The following CSMD2 variants were observed in gnomAD, a reference collection of about 807,000 sequenced individuals.
CSMD2 encodes CUB and sushi domain-containing protein 2.
In CSMD2, 130 loss-of-function variants were observed where a neutral mutation model predicts 398.5. The ratio of observed to expected loss-of-function variants is 0.33; its 90% CI spans 0.28 to 0.38. CSMD2 has a LOEUF of 0.38. CSMD2 is among the 10% of genes least tolerant of loss of function. The pLI is 1.00. For missense variants in CSMD2, 3,829 were observed against 4,764.9 expected (o/e 0.80, Z 5.78); for synonymous variants, 1,828 against 1,908.5 (o/e 0.96, Z 1.10).
At chr1:33,972,090 C>A (rs778075133) in intron 3 of CSMD2, among the ~76,000 whole-genome samples, 1 of 152,048 alleles carries the variant, frequency 6.6e-6, no homozygotes, top group Non-Finnish European at 1.5e-5. Context: ...GCAGGGACCG[C>A]GGGAGTAGGT....
chr1:33,981,768 C>T (rs1036776034), intron 3 of CSMD2, among the ~76,000 whole-genome samples: 2 of 152,174 alleles, frequency 1.3e-5, no homozygotes, highest in African/African-American at 4.8e-5. Flanking sequence ...GCTGGACAGG[C>T]CATCAGAGGA....
At chr1:33,687,746 G>A (rs1363267227) in intron 25 of CSMD2, among the ~76,000 whole-genome samples, 4 of 151,508 alleles carry the variant, frequency 2.6e-5, no homozygotes, top group South Asian at 4.2e-4. Context: ...ATAATGAAAA[G>A]CATACAAGAT....
intron 3 of CSMD2, among the ~76,000 whole-genome samples, chr1:33,941,163 G>T (rs1234315053): frequency 8.5e-5 from 13 of 152,170 alleles, no homozygotes; most frequent in Non-Finnish European, 5.9e-5. Flanking sequence ...CAATTCCATT[G>T]TAGATTAGCT....
At chr1:34,053,368 G>A (rs947115113) in intron 2 of CSMD2, among the ~76,000 whole-genome samples, 1 of 152,150 alleles carries the variant, frequency 6.6e-6, no homozygotes, top group Non-Finnish European at 1.5e-5. Flanking sequence ...ACCAGATCTC[G>A]AAGTCAGAAT....
At chr1:33,964,661 C>T (rs147392554) in intron 3 of CSMD2, among the ~76,000 whole-genome samples, 6 of 152,166 alleles carry the variant, frequency 3.9e-5, no homozygotes, top group Non-Finnish European at 8.8e-5. Context: ...TCTGATCTGT[C>T]CAGGCAGATG....
chr1:33,935,570 G>A (rs147194596), intron 4 of CSMD2, among the ~76,000 whole-genome samples, 190 bp downstream of exon 4: 19 of 152,278 alleles, frequency 1.2e-4, no homozygotes, highest in Non-Finnish European at 2.5e-4. Flanking sequence ...TGAGGGTTAG[G>A]AGGTCAGGTG....
chr1:34,132,337 T>A (rs1663440909), intron 1 of CSMD2, among the ~76,000 whole-genome samples: 1 of 150,230 alleles, frequency 6.7e-6, no homozygotes, highest in Non-Finnish European at 1.5e-5. Context: ...CAGGCCCTGG[T>A]GGGTAACAGG....
At chr1:33,619,602 A>G (rs1369736185) in intron 37 of CSMD2, among the ~76,000 whole-genome samples, 2 of 152,242 alleles carry the variant, frequency 1.3e-5, no homozygotes, top group African/African-American at 4.8e-5. Flanking sequence ...TTGAGTGTAC[A>G]TGTGCTGAGT....
intron 3 of CSMD2, among the ~76,000 whole-genome samples, chr1:33,985,513 T>C (rs963329530): frequency 4.5e-4 from 68 of 152,080 alleles, no homozygotes; most frequent in African/African-American, 1.6e-3. Context: ...TGGGGCTGGC[T>C]TGGAGGGTGC....
At chr1:33,683,530 T>G (rs2149073746) in intron 25 of CSMD2, among the ~76,000 whole-genome samples, 1 of 152,350 alleles carries the variant, frequency 6.6e-6, no homozygotes, top group South Asian at 2.1e-4. Context: ...TAGTTTATTT[T>G]CCTCCTAAGA....
At chr1:33,678,181 T>A (rs1474523307) in intron 25 of CSMD2, among the ~76,000 whole-genome samples, 1 of 151,846 alleles carries the variant, frequency 6.6e-6, no homozygotes, top group Non-Finnish European at 1.5e-5. Context: ...CCATGTGACA[T>A]GCTCGCTCCC....
At chr1:34,124,866 T>C (rs1479102658) in intron 1 of CSMD2, among the ~76,000 whole-genome samples, 2 of 152,194 alleles carry the variant, frequency 1.3e-5, no homozygotes, top group African/African-American at 4.8e-5. Flanking sequence ...ACTAGGGGCA[T>C]TGCAAGCATT....
At chr1:33,614,676 C>T in intron 39 of CSMD2, 56 bp from the exon 40 acceptor site, 1 of 988,554 alleles carries the variant, frequency 1.0e-6, no homozygotes, top group South Asian at 1.5e-5. Context: ...TGTACAGGGC[C>T]CTGCCAATGT....
intron 13 of CSMD2, among the ~76,000 whole-genome samples, chr1:33,769,334 A>G (rs991616982): frequency 6.6e-6 from 1 of 152,234 alleles, no homozygotes; most frequent in African/African-American, 2.4e-5. Context: ...AATCCAATGC[A>G]TGGTGCTCAG....
At chr1:33,781,141 C>T (rs1264329519) in intron 12 of CSMD2, among the ~76,000 whole-genome samples, 1 of 152,218 alleles carries the variant, frequency 6.6e-6, no homozygotes, top group Non-Finnish European at 1.5e-5. Flanking sequence ...TCTTGGCCCT[C>T]TTCTCCCCAA....
At chr1:34,109,997 C>T (rs529108902) in intron 1 of CSMD2, among the ~76,000 whole-genome samples, 8 of 140,828 alleles carry the variant, frequency 5.7e-5, no homozygotes, top group Non-Finnish European at 9.1e-5. Flanking sequence ...ACCGAGATGG[C>T]GCCACTGCAC....
chr1:33,847,095 C>T lies in CSMD2; in HGVS notation c.921-99G>A. On this transcript the variant is annotated intron_variant, in intron 5 of 70. Transcript: ENST00000373381. Reference sequence around the variant, plus strand: ...CTCCACTTCCCTTGAGTGCCAAGGCCTCAGCCCAGCTCTGGAGCAGGAAGG... The same window carrying T: ...CTCCACTTCCCTTGAGTGCCAAGGCTTCAGCCCAGCTCTGGAGCAGGAAGG... 4.3e-6 allele frequency: 3 copies of T among 702,550 alleles called. No homozygotes were observed. The South Asian group carries it at 5.5e-5, about 13-fold the overall frequency. The allele number at this position is 702,550 out of a possible 1,614,324, so 43.5% of individuals were successfully genotyped here.
intron 13 of CSMD2, among the ~76,000 whole-genome samples, chr1:33,761,884 T>C (rs927340079): frequency 6.6e-6 from 1 of 152,096 alleles, no homozygotes; most frequent in Non-Finnish European, 1.5e-5. Context: ...TGCAAGACCA[T>C]GGGGGAGTCT....
Position 33,567,564 on chromosome 1 carries a change from T to A in CSMD2, c.8380+29A>T, listed in dbSNP as rs749786597. On this transcript the variant is annotated intron_variant, in intron 53 of 70. Transcript: ENST00000373381. ...AAGTCCATGTTGAATCTGAGCCCCATGACTAGGGAGAGTGGATGACATACT... is the reference window on the plus strand; with the variant it reads ...AAGTCCATGTTGAATCTGAGCCCCAAGACTAGGGAGAGTGGATGACATACT... 14 of 1,611,012 alleles carry A rather than the reference T, an allele frequency of 8.7e-6. No homozygotes were observed. The East Asian group carries it at 2.9e-4, about 33-fold the overall frequency.
Sources: gnomAD v4.1 joint callset for allele counts (sites outside exome capture counted in the v4.1 genomes callset) on GRCh38, gnomAD v4.1.1 for gene constraint, MANE v1.5 for transcripts, NCBI Gene and HGNC (gene_info 2026-07-23, HGNC 2026-07-21) for gene names.